The following TMED3 variants were observed in gnomAD, a reference collection of about 807,000 sequenced individuals.
TMED3 encodes the protein transmembrane emp24 domain-containing protein 3.
A neutral mutation model predicts 15.0 loss-of-function variants in TMED3; 9 were observed. The observed-to-expected ratio is 0.60, with a 90% CI of 0.36 to 1.04. The LOEUF (loss-of-function observed/expected upper bound fraction) is 1.04. TMED3 is among the 50% of genes least tolerant of loss of function. The pLI is 0.01. For missense variants in TMED3, 267 were observed against 278.9 expected (o/e 0.96, Z 0.30); for synonymous variants, 117 against 121.4 (o/e 0.96, Z 0.24).
Position 79,349,364 on chromosome 15 carries a change from A to G in TMED3, c.417+35359A>G, listed in dbSNP as rs547561225. ...ACTTAATTTTTTTTTAAAGTATAAG[A>G]TACTTTTTTATCATCTCTGGTAATG... is the stretch of plus-strand genomic sequence containing the variant. On this transcript the variant is annotated intron_variant, in intron 2 of 2. Coordinates refer to the TMED3 transcript ENST00000424155. 7.9e-5 allele frequency among the ~76,000 whole-genome samples: 12 copies of G among 152,250 alleles called. 1 individual carries two copies. Among genetic ancestry groups the G allele is most frequent in the Admixed American group, 4.6e-4 (7 of 15,278 alleles).
chr15:79,371,167 A>G (rs530609902), intron 2 of TMED3, among the ~76,000 whole-genome samples: 2 of 152,230 alleles, frequency 1.3e-5, no homozygotes, highest in Non-Finnish European at 2.9e-5. Flanking sequence ...AAATACACAA[A>G]GATGTGTATT....
intron 2 of TMED3, among the ~76,000 whole-genome samples, chr15:79,365,968 T>C (rs1198888397): frequency 6.6e-6 from 1 of 152,104 alleles, no homozygotes; most frequent in Non-Finnish European, 1.5e-5. Flanking sequence ...GGAGTCCTAA[T>C]TAGGGAAAAG....
At chr15:79,344,712 A>G (rs1312538783) in intron 2 of TMED3, among the ~76,000 whole-genome samples, 1 of 152,214 alleles carries the variant, frequency 6.6e-6, no homozygotes, top group Non-Finnish European at 1.5e-5. Context: ...TTCAACCCAG[A>G]GGGCCAGCAA....
intron 2 of TMED3, among the ~76,000 whole-genome samples, chr15:79,388,610 A>T (rs1421030385): frequency 6.6e-6 from 1 of 152,146 alleles, no homozygotes; most frequent in Non-Finnish European, 1.5e-5. Flanking sequence ...CTCTGGGTAG[A>T]TACTCAGTAG....
chr15:79,329,929 C>G (rs923501653), intron 2 of TMED3, among the ~76,000 whole-genome samples: 12 of 151,928 alleles, frequency 7.9e-5, no homozygotes, highest in Non-Finnish European at 1.6e-4. Flanking sequence ...TAAAAAGAAC[C>G]AAGTAGAAAT....
intron 2 of TMED3, among the ~76,000 whole-genome samples, chr15:79,371,854 GA>G (rs1893345302): frequency 1.3e-5 from 2 of 152,210 alleles, no homozygotes; most frequent in Admixed American, 6.5e-5. Context: ...GCAACTTACA[GA>G]AAAACAAGAT....
chr15:79,375,891 G>A (rs1893415652), intron 2 of TMED3, among the ~76,000 whole-genome samples: 1 of 152,176 alleles, frequency 6.6e-6, no homozygotes, highest in East Asian at 1.9e-4. Context: ...AGGAAGGTGA[G>A]TGGTGATGGT....
At chr15:79,397,310 C>T (rs1300770981) in intron 2 of TMED3, among the ~76,000 whole-genome samples, 1 of 152,206 alleles carries the variant, frequency 6.6e-6, no homozygotes, top group African/African-American at 2.4e-5. Context: ...GAGAACCATG[C>T]CTTTCAGAAA....
At chr15:79,333,687 T>A (rs1479833646) in intron 2 of TMED3, among the ~76,000 whole-genome samples, 1 of 152,220 alleles carries the variant, frequency 6.6e-6, no homozygotes. Context: ...ATTTTCAGCT[T>A]TCAGTAGTGC....
At position 79,311,340 on chromosome 15, in the gene TMED3, T is replaced by C. The variant is rs377717641; in HGVS notation, c.91T>C (p.Phe31Leu). Residue 31 changes from phenylalanine to leucine, a missense_variant, in exon 1 of 3, where the codon TTC becomes CTC. Around this residue, in one of 3 missense-constraint regions of TMED3, gnomAD observed 59 missense variants for 47.0 expected, o/e 1.26. Transcript: ENST00000299705. The part of the protein sequence containing the change: ...AEQPCGAELT[F>L]ELPDNAKQCF... ...GCAGCCCTGCGGGGCCGAGCTCACC[T>C]TCGAGCTGCCGGACAACGCCAAGCA... 3.4e-5 allele frequency: 55 copies of C among 1,611,378 alleles called. No individual in the cohort carries two copies. The African/African-American group carries it at 6.9e-4, about 20-fold the overall frequency.
intron 2 of TMED3, among the ~76,000 whole-genome samples, chr15:79,395,635 G>A (rs950189419): frequency 2.6e-5 from 4 of 152,118 alleles, no homozygotes; most frequent in African/African-American, 9.7e-5. Flanking sequence ...TAGAATTTTA[G>A]TTTGCCCTTT....
downstream of TMED3, among the ~76,000 whole-genome samples, chr15:79,325,143 C>T (rs911801563): frequency 7.9e-5 from 12 of 152,148 alleles, no homozygotes; most frequent in African/African-American, 2.7e-4. Flanking sequence ...AACTGAGGTT[C>T]TGGATTATTA....
intron 2 of TMED3, among the ~76,000 whole-genome samples, chr15:79,346,162 C>G (rs536686039): frequency 6.6e-6 from 1 of 152,276 alleles, no homozygotes; most frequent in East Asian, 1.9e-4. Context: ...TTAATTAGAT[C>G]CCATTTGTCA....
intron 2 of TMED3, among the ~76,000 whole-genome samples, chr15:79,330,928 C>A (rs1328340441): frequency 6.6e-6 from 1 of 152,024 alleles, no homozygotes; most frequent in Non-Finnish European, 1.5e-5. Context: ...AAATAAATAC[C>A]CAATACTTGG....
chr15:79,392,634 G>A (rs1022544843), intron 2 of TMED3, among the ~76,000 whole-genome samples: 1 of 152,068 alleles, frequency 6.6e-6, no homozygotes, highest in African/African-American at 2.4e-5. Context: ...TCAAATAATT[G>A]TGCAACTCTT....
Position 79,313,822 on chromosome 15 carries a change from C to T in TMED3, c.234C>T (p.Tyr78=). ...AGGACCCCCAGGGGAACACCATCTA[C>T]AGAGAAACGAAGAAGCAGTACGACA... ...YVEDPQGNTI[Y]RETKKQYDSF... The change falls in exon 2 of 3, where the codon TAC becomes TAT. Residue 78 remains tyrosine (Y), a synonymous_variant. Transcript: ENST00000299705. The T allele has an allele frequency of 6.2e-7, 1 of 1,614,234 alleles. No homozygotes were observed. Among genetic ancestry groups the T allele is most frequent in the Admixed American group, 1.7e-5 (1 of 60,030 alleles).
chr15:79,355,704 G>C (rs1595898236), intron 2 of TMED3, among the ~76,000 whole-genome samples: 1 of 152,132 alleles, frequency 6.6e-6, no homozygotes, highest in Non-Finnish European at 1.5e-5. Context: ...GACTAGTCTC[G>C]GGATCTGGGG....
chr15:79,354,955 C>G (rs185206256), intron 2 of TMED3, among the ~76,000 whole-genome samples: 2 of 152,240 alleles, frequency 1.3e-5, no homozygotes, highest in Admixed American at 6.5e-5. Flanking sequence ...AGTTATTTCT[C>G]TTATTTAAGC....
chr15:79,378,280 G>A (rs1429906194), intron 2 of TMED3, among the ~76,000 whole-genome samples: 12 of 152,070 alleles, frequency 7.9e-5, no homozygotes, highest in Admixed American at 3.3e-4. Flanking sequence ...TGTTATTTAC[G>A]GTAGGGATGG....
Sources: gnomAD v4.1 joint callset for allele counts (sites outside exome capture counted in the v4.1 genomes callset) on GRCh38, gnomAD v4.1.1 for gene constraint, gnomAD v4.1.1 regional missense constraint, MANE v1.5 for transcripts, NCBI Gene and HGNC (gene_info 2026-07-23, HGNC 2026-07-21) for gene names.